The following TARS3 variants were observed in gnomAD, a reference collection of about 807,000 sequenced individuals.
TARS3 encodes the protein threonyl-tRNA synthetase 3.
Under a neutral mutation model 103.5 loss-of-function variants are expected in TARS3, and 94 were observed. The observed-to-expected ratio is 0.91, with a 90% CI of 0.77 to 1.08. The LOEUF (loss-of-function observed/expected upper bound fraction) is 1.08. Ranked by LOEUF, TARS3 falls within the 50% of genes least tolerant of loss-of-function variation. TARS3 has a pLI of 0.00. For synonymous variants in TARS3, 416 were observed against 355.4 expected (o/e 1.17, Z -1.92); for missense variants, 952 against 995.2 (o/e 0.96, Z 0.58).
chr15:101,709,957 C>A (rs898936021), intron 5 of TARS3, among the ~76,000 whole-genome samples: 3 of 152,092 alleles, frequency 2.0e-5, no homozygotes, highest in Non-Finnish European at 4.4e-5. Flanking sequence ...GTGGCTAGGT[C>A]CCCTAGGTAG....
At position 101,701,137 on chromosome 15, in the gene TARS3, A is replaced by C. The variant is rs1250333018; in HGVS notation, c.1269T>G (p.Phe423Leu). ...FFHDLSPGSCFFLPRGAFIYN... is the reference protein window; with the variant it reads ...FFHDLSPGSCLFLPRGAFIYN... ...AAATGAAGGCTCCTCTGGGAAGGAA[A>C]AAACAGCTTCCAGGACTCAAATCGT... Residue 423 changes from phenylalanine (F) to leucine (L), a missense_variant, in exon 10 of 19, where the codon TTT (phenylalanine) becomes TTG (leucine). This residue lies in a region of TARS3 where 540 missense variants were observed against 631.0 expected (regional missense o/e 0.86). Transcript: ENST00000335968. 2 of 1,599,336 alleles carry C rather than the reference A, an allele frequency of 1.3e-6. No individual in the cohort carries two copies. The highest frequency in any genetic ancestry group is 8.5e-7 in the Non-Finnish European group (1 of 1,175,966).
At chr15:101,685,850 T>C (rs1373513686) in intron 11 of TARS3, 46 bp downstream of exon 11, 2 of 1,496,238 alleles carry the variant, frequency 1.3e-6, no homozygotes, top group South Asian at 1.3e-5. Context: ...TGACGAAGCG[T>C]GCTATGTGCT....
intron 3 of TARS3, 128 bp from the exon 4 acceptor site, chr15:101,715,091 A>G (rs1463648804): frequency 1.0e-5 from 8 of 785,570 alleles, no homozygotes; most frequent in Admixed American, 3.3e-5. Flanking sequence ...AACTAATAGG[A>G]CAGATATTTC....
intron 16 of TARS3, among the ~76,000 whole-genome samples, chr15:101,659,348 A>ATATAT (rs1897295680): frequency 6.6e-6 from 1 of 152,224 alleles, no homozygotes; most frequent in African/African-American, 2.4e-5. Context: ...GATAAATGGT[A>ATATAT]GAACACAGAA....
At chr15:101,705,260 G>C (rs1899497766) in intron 7 of TARS3, among the ~76,000 whole-genome samples, 3 of 152,156 alleles carry the variant, frequency 2.0e-5, no homozygotes, top group Admixed American at 2.0e-4. Context: ...AATGCATGAA[G>C]ACTGTACACT....
At chr15:101,723,908 T>C (rs1325179017) in intron 1 of TARS3, among the ~76,000 whole-genome samples, 183 bp downstream of exon 1, 1 of 152,000 alleles carries the variant, frequency 6.6e-6, no homozygotes, top group African/African-American at 2.4e-5. Context: ...CTGCTGGAAA[T>C]CCGGCGGCTC....
intron 7 of TARS3, among the ~76,000 whole-genome samples, chr15:101,704,769 CGTAA>C (rs943213532): frequency 6.6e-6 from 1 of 151,048 alleles, no homozygotes; most frequent in East Asian, 1.9e-4. Flanking sequence ...TCAATGTTGA[CGTAA>C]GTAAGGTTCT....
chr15:101,661,887 A>G (rs994385286), intron 15 of TARS3, 71 bp from the exon 16 acceptor site: 26 of 932,368 alleles, frequency 2.8e-5, no homozygotes, highest in Non-Finnish European at 3.7e-5. Flanking sequence ...CTTATATTTA[A>G]TTTTGAGAAT....
intron 17 of TARS3, 42 bp from the exon 18 acceptor site, chr15:101,657,078 C>A: frequency 7.4e-7 from 1 of 1,346,346 alleles, no homozygotes; most frequent in East Asian, 2.3e-5. Flanking sequence ...ATTATGGTAC[C>A]TAGCCTCCAA....
intron 6 of TARS3, among the ~76,000 whole-genome samples, chr15:101,708,502 T>C (rs1404822275): frequency 6.6e-6 from 1 of 152,172 alleles, no homozygotes; most frequent in Admixed American, 6.5e-5. Context: ...ATAAATATTG[T>C]TGAATTTAGG....
chr15:101,674,500 T>C (rs1897942040), intron 13 of TARS3, among the ~76,000 whole-genome samples: 1 of 152,158 alleles, frequency 6.6e-6, no homozygotes, highest in African/African-American at 2.4e-5. Context: ...ACTGCGAAAG[T>C]TCCAGCCACA....
rs200543628 is a variant in TARS3, at chr15:101,654,693, G to C, written c.2298C>G (p.Asn766Lys). 4 of 1,613,890 alleles carry C rather than the reference G, an allele frequency of 2.5e-6. No individual in the cohort carries two copies. Among genetic ancestry groups the C allele is most frequent in the Non-Finnish European group, 3.4e-6 (4 of 1,179,906 alleles). The change falls in exon 19 of 19, where the codon AAC (asparagine) becomes AAG (lysine). Residue 766 changes from asparagine (N) to lysine (K), a missense_variant. Asn to Lys is a moderately conservative substitution (Grantham distance 94). Around this residue, in one of 2 missense-constraint regions of TARS3, gnomAD observed 540 missense variants for 631.0 expected, o/e 0.86. Coordinates refer to ENST00000335968, the MANE Select transcript of TARS3 (RefSeq NM_152334.3). ...GAATTTTGTTGTCTCTTGTTCGCAC[G>C]TTTACAGCATTATCTATCTTTTCCT... ...GEKEKIDNAV[N>K]VRTRDNKIHG...
Position 101,721,187 on chromosome 15 carries a change from C to G in TARS3, c.505G>C (p.Gly169Arg). The G allele has an allele frequency of 6.2e-7, 1 of 1,612,882 alleles. No homozygotes were observed. The change falls in exon 3 of 19, where the codon GGG becomes CGG. Residue 169 changes from glycine to arginine, a missense_variant. Gly to Arg is a moderately radical substitution (Grantham distance 125, BLOSUM62 -2). Coordinates refer to ENST00000335968, the MANE Select transcript of TARS3 (RefSeq NM_152334.3). Reference protein sequence around the residue: ...SNIITVRVADGQTVQGEVWKT... With the variant: ...SNIITVRVADRQTVQGEVWKT... ...CAGACTTCCCCTTGCACTGTTTGCC[C>G]ATCAGCCACTCTTACTGTGATGATG...
intron 10 of TARS3, among the ~76,000 whole-genome samples, chr15:101,687,001 T>C (rs911707549): frequency 1.3e-5 from 2 of 151,996 alleles, no homozygotes; most frequent in Non-Finnish European, 2.9e-5. Flanking sequence ...CTGAAAGGAA[T>C]GTTGTCTGTT....
rs1899889133 is a variant in TARS3, at chr15:101,711,933, G to A, written c.759C>T (p.Cys253=). The part of the protein sequence containing the change: ...AMELYYGGHL[C]YGPPIENGFY... ...ATCCATTTTCAATGGGCGGACCGTA[G>A]CACAGGTGGCCTCCATAGTAAAGCT... is the stretch of plus-strand genomic sequence containing the variant. The change falls in exon 5 of 19, where the codon TGC becomes TGT. Residue 253 remains cysteine (C), a synonymous_variant. Transcript: ENST00000335968. 13 of 1,613,856 alleles carry A rather than the reference G, an allele frequency of 8.1e-6. No individual in the cohort carries two copies. In the East Asian group the frequency reaches 2.7e-4, roughly 33 times the overall value.
At chr15:101,723,879 A>G (rs1055001719) in intron 1 of TARS3, among the ~76,000 whole-genome samples, 1 of 152,234 alleles carries the variant, frequency 6.6e-6, no homozygotes, top group Non-Finnish European at 1.5e-5. Flanking sequence ...AATCAACAGC[A>G]TTTGGTTAAG....
At chr15:101,720,985 T>A in intron 3 of TARS3, 141 bp downstream of exon 3, 1 of 745,614 alleles carries the variant, frequency 1.3e-6, no homozygotes, top group Non-Finnish European at 2.1e-6. Context: ...ATCTTCTTCC[T>A]TTATAAATAA....
At position 101,695,471 on chromosome 15, in the gene TARS3, T is replaced by G. The variant is rs578233899; in HGVS notation, c.1320+5615A>C. Among the ~76,000 whole-genome samples, 9 of 152,368 alleles carry G rather than the reference T, an allele frequency of 5.9e-5. No homozygotes were observed. The East Asian group carries it at 1.7e-3, about 29-fold the overall frequency. On this transcript the variant is annotated intron_variant, in intron 10 of 18. Coordinates refer to ENST00000335968, the MANE Select transcript of TARS3 (RefSeq NM_152334.3). ...GAGTTGTATTCCACAGCATGGACTTTCCACATTATGTTTATCTTTTCACAA... is the reference window on the plus strand; with the variant it reads ...GAGTTGTATTCCACAGCATGGACTTGCCACATTATGTTTATCTTTTCACAA...
chr15:101,698,612 T>C (rs746388175), intron 10 of TARS3, among the ~76,000 whole-genome samples: 66 of 152,312 alleles, frequency 4.3e-4, no homozygotes, highest in Middle Eastern at 6.8e-3. Flanking sequence ...TATTGCATTA[T>C]TCCTCAAGCA....
Sources: allele counts gnomAD v4.1 joint callset (sites outside exome capture counted in the v4.1 genomes callset), GRCh38; gene constraint gnomAD v4.1.1; regional missense constraint gnomAD v4.1.1; transcripts MANE v1.5; gene names NCBI Gene and HGNC (gene_info 2026-07-23, HGNC 2026-07-21).